Variants in MCIDAS observed in about 807,000 individuals in gnomAD.
MCIDAS encodes the protein multicilin.
In MCIDAS, 23 loss-of-function variants were observed where a neutral mutation model predicts 35.4. The ratio of observed to expected loss-of-function variants is 0.65; its 90% CI spans 0.47 to 0.92. The LOEUF (loss-of-function observed/expected upper bound fraction) is 0.92. MCIDAS is among the 40% of genes least tolerant of loss of function. The probability of loss-of-function intolerance (pLI) is 0.00; values close to 1 mark genes in which losing one functional copy is unlikely to be tolerated. For missense variants in MCIDAS, 480 were observed against 531.8 expected (o/e 0.90, Z 0.96); for synonymous variants, 228 against 235.2 (o/e 0.97, Z 0.28).
chr5:55,221,139 A>G lies in MCIDAS; in HGVS notation c.607-13T>C. The G allele has an allele frequency of 1.3e-6, 2 of 1,530,998 alleles. No individual in the cohort carries two copies. Among genetic ancestry groups the G allele is most frequent in the Non-Finnish European group, 1.8e-6 (2 of 1,142,394 alleles). 94.8% of individuals were successfully genotyped at this position (1,530,998 alleles called of 1,614,324 possible). A position where few individuals can be genotyped will look rare whatever the true frequency, so the allele number is the denominator to read the frequency against. On this transcript the variant is annotated splice_polypyrimidine_tract_variant and intron_variant, in intron 5 of 6. Coordinates refer to ENST00000513312, the MANE Select transcript of MCIDAS (RefSeq NM_001190787.3). Reference sequence around the variant, plus strand: ...ATGTCACGTGCAGCTGCAGGAGGAGACCCAAACATTCAGGGGTAGGTACTG... The same window carrying G: ...ATGTCACGTGCAGCTGCAGGAGGAGGCCCAAACATTCAGGGGTAGGTACTG...
At position 55,220,449 on chromosome 5, in the gene MCIDAS, G is replaced by A; in HGVS notation, c.1075C>T (p.Arg359Cys). ...STRIRSHSTI[R>C]TLAFPQGNAF... ...TTGCCCTGGGGGAAGGCGAGGGTGC[G>A]GATGGTGCTGTGGCTGCGGATGCGG... Residue 359 changes from arginine to cysteine, a missense_variant, in exon 7 of 7, where the codon CGC (arginine) becomes TGC (cysteine). Physicochemically the swap from Arg to Cys is radical, Grantham distance 180 (BLOSUM62 -3). Coordinates refer to ENST00000513312, the MANE Select transcript of MCIDAS (RefSeq NM_001190787.3). 3.3e-6 allele frequency: 5 copies of A among 1,536,044 alleles called. No individual in the cohort carries two copies. In the South Asian group the frequency reaches 3.6e-5, roughly 11 times the overall value.
At position 55,220,501 on chromosome 5, in the gene MCIDAS, C is replaced by T; in HGVS notation, c.1023G>A (p.Glu341=). The change falls in exon 7 of 7, where the codon GAG becomes GAA. Residue 341 remains glutamate, a synonymous_variant. Coordinates refer to ENST00000513312, the MANE Select transcript of MCIDAS (RefSeq NM_001190787.3). ...TGCTGAAGGAGCCGCCCTCCTCCAG[C>T]TCACTGTGGCTCAGGTTCAACGCGC... ...SRSALNLSHS[E]LEEGGSFSTR... The T allele has an allele frequency of 6.5e-7, 1 of 1,536,080 alleles. No homozygotes were observed. Among genetic ancestry groups the T allele is most frequent in the Non-Finnish European group, 8.7e-7 (1 of 1,146,900 alleles).
intron 4 of MCIDAS, 39 bp from the exon 5 acceptor site, chr5:55,222,438 C>A (rs1468744468): frequency 1.4e-6 from 2 of 1,434,120 alleles, no homozygotes; most frequent in African/African-American, 2.9e-5. Flanking sequence ...GCCTCAAATT[C>A]ATGCCCAGCT....
chr5:55,226,505 A>G (rs1745456005), intron 3 of MCIDAS, 71 bp downstream of exon 3: 4 of 1,438,850 alleles, frequency 2.8e-6, no homozygotes, highest in South Asian at 2.7e-5. Flanking sequence ...CTTTTGGGGA[A>G]TTAAAACCAC....
chr5:55,221,179 T>G, intron 5 of MCIDAS, 53 bp from the exon 6 acceptor site: 1 of 1,326,606 alleles, frequency 7.5e-7, no homozygotes, highest in African/African-American at 1.5e-5. Context: ...GGGTCTCGTC[T>G]GCATATCTGG....
In MCIDAS at chr5:55,220,941, C is replaced by T. The variant is rs539366548; in HGVS notation, c.717+75G>A. On this transcript the variant is annotated intron_variant, in intron 6 of 6. Transcript: ENST00000513312. ...TCCTCTCCCGGGCCCCCACGGGTCC[C>T]GATGCTGGGCGGGGATGCACTGAAC... The T allele has an allele frequency of 9.7e-5, 141 of 1,459,120 alleles. No homozygotes were observed. The South Asian group carries it at 1.5e-3, about 16-fold the overall frequency. 90.4% of individuals were successfully genotyped at this position (1,459,120 alleles called of 1,614,324 possible).
intron 4 of MCIDAS, 146 bp from the exon 5 acceptor site, chr5:55,222,545 G>A (rs753419267): frequency 1.8e-5 from 12 of 662,750 alleles, no homozygotes; most frequent in Admixed American, 6.1e-5. Flanking sequence ...CTGATTACGA[G>A]GCCCTTCCTG....
Position 55,227,169 on chromosome 5 carries a change from C to T in MCIDAS, c.-31G>A, listed in dbSNP as rs1745475009. On this transcript the variant is annotated 5_prime_UTR_variant, in exon 1 of 7. Coordinates refer to ENST00000513312, the MANE Select transcript of MCIDAS (RefSeq NM_001190787.3). ...CTCCTGCCTCCGGGTGCCGACTGCTCGGAGGCGGCGGCCCGGGCTGGGGCA... is the reference window on the plus strand; with the variant it reads ...CTCCTGCCTCCGGGTGCCGACTGCTTGGAGGCGGCGGCCCGGGCTGGGGCA... 2.1e-6 allele frequency: 3 copies of T among 1,408,770 alleles called. No homozygotes were observed. Among genetic ancestry groups the T allele is most frequent in the African/African-American group, 1.5e-5 (1 of 66,088 alleles). The allele number at this position is 1,408,770 out of a possible 1,614,324, so 87.3% of individuals were successfully genotyped here.
At position 55,222,247 on chromosome 5, in the gene MCIDAS, C is replaced by T; in HGVS notation, c.535G>A (p.Glu179Lys). Residue 179 changes from glutamate to lysine, a missense_variant, in exon 5 of 7, where the codon GAG becomes AAG. Physicochemically the swap from Glu to Lys is moderately conservative, Grantham distance 56. Transcript: ENST00000513312. ...TCCGCCACCTCCTTCCAGTATTGCTCAGGCGGGGGCACGTCTGGAGGGCGC... is the reference window on the plus strand; with the variant it reads ...TCCGCCACCTCCTTCCAGTATTGCTTAGGCGGGGGCACGTCTGGAGGGCGC... Reference protein sequence around the residue: ...PLRPPDVPPPEQYWKEVADQN... With the variant: ...PLRPPDVPPPKQYWKEVADQN... 6.5e-7 allele frequency: 1 copy of T among 1,536,040 alleles called. No individual in the cohort carries two copies.
At chr5:55,226,735 G>A in intron 2 of MCIDAS, 68 bp from the exon 3 acceptor site, 4 of 1,417,730 alleles carry the variant, frequency 2.8e-6, no homozygotes, top group Non-Finnish European at 3.7e-6. Context: ...TCGCAGCTAG[G>A]ACGTCAGAGC....
In MCIDAS at chr5:55,219,869, C is replaced by G. The variant is rs921181825; in HGVS notation, c.*497G>C. 1 of 152,218 alleles carries G rather than the reference C, an allele frequency of 6.6e-6. No homozygotes were observed. The highest frequency in any genetic ancestry group is 2.4e-5 in the African/African-American group (1 of 41,434). 9.4% of individuals were successfully genotyped at this position (152,218 alleles called of 1,614,324 possible). ...TTTCAATAGTAACAAAATTAGGTGT[C>G]CTTTTAGGACGAGGGAAGTTGAGTG... is the stretch of plus-strand genomic sequence containing the variant. On this transcript the variant is annotated 3_prime_UTR_variant, in exon 7 of 7. Coordinates refer to ENST00000513312, the MANE Select transcript of MCIDAS (RefSeq NM_001190787.3).
At chr5:55,222,755 G>T (rs767767308) in intron 4 of MCIDAS, among the ~76,000 whole-genome samples, 196 bp downstream of exon 4, 54 of 152,208 alleles carry the variant, frequency 3.5e-4, no homozygotes, top group Non-Finnish European at 7.2e-4. Context: ...GCGCTATGTA[G>T]ATCCAGCGGT....
In MCIDAS at chr5:55,220,835, T is replaced by A. The variant is rs1468439865; in HGVS notation, c.718-29A>T. On this transcript the variant is annotated intron_variant, in intron 6 of 6. Coordinates refer to ENST00000513312, the MANE Select transcript of MCIDAS (RefSeq NM_001190787.3). ...CGAAAGACAGGGAAGAGCGCCGCCC[T>A]GGGGCCTGCCGGACCCTCCGGGTTC... is the stretch of plus-strand genomic sequence containing the variant. The A allele has an allele frequency of 4.6e-6, 7 of 1,510,618 alleles. No homozygotes were observed. The Admixed American group carries it at 1.2e-4, about 26-fold the overall frequency. 93.6% of individuals were successfully genotyped at this position (1,510,618 alleles called of 1,614,324 possible).
chr5:55,221,154 G>T, intron 5 of MCIDAS, 28 bp from the exon 6 acceptor site: 1 of 1,496,270 alleles, frequency 6.7e-7, no homozygotes, highest in Non-Finnish European at 9.0e-7. Flanking sequence ...AACATTCAGG[G>T]GTAGGTACTG....
intron 3 of MCIDAS, among the ~76,000 whole-genome samples, chr5:55,224,973 A>C (rs1181296906): frequency 6.6e-6 from 1 of 152,156 alleles, no homozygotes; most frequent in African/African-American, 2.4e-5. Flanking sequence ...GCTGAGGCAG[A>C]CAGATCGCTA....
In MCIDAS at chr5:55,220,523, G is replaced by C. The variant is rs1745333319; in HGVS notation, c.1001C>G (p.Ala334Gly). 1 of 1,536,090 alleles carries C rather than the reference G, an allele frequency of 6.5e-7. No individual in the cohort carries two copies. The highest frequency in any genetic ancestry group is 8.7e-7 in the Non-Finnish European group (1 of 1,146,898). The change falls in exon 7 of 7, where the codon GCG (alanine) becomes GGG (glycine). Residue 334 changes from alanine (A) to glycine (G), a missense_variant. Ala to Gly is a moderately conservative substitution (Grantham distance 60). Coordinates refer to ENST00000513312, the MANE Select transcript of MCIDAS (RefSeq NM_001190787.3). ...RGLRTDCSRS[A>G]LNLSHSELEE... ...CAGCTCACTGTGGCTCAGGTTCAAC[G>C]CGCTCCGGCTGCAGTCTGTGCGCAG...
chr5:55,222,343 A>C lies in MCIDAS; in HGVS notation c.439T>G (p.Cys147Gly). The stretch of plus-strand genomic sequence containing the variant: ...CAGGGCCCGAATGGTGATATGTCGC[A>C]AGGAGAGAAGGGGAAGTCTCCGCTG... ...LASGDFPFSP[C>G]DISPFGPCLS... Residue 147 changes from cysteine to glycine, a missense_variant, in exon 5 of 7, where the codon TGC (cysteine) becomes GGC (glycine). Cys to Gly is a radical substitution (Grantham distance 159, BLOSUM62 -3). Transcript: ENST00000513312. 1 of 1,533,454 alleles carries C rather than the reference A, an allele frequency of 6.5e-7. No homozygotes were observed. The highest frequency in any genetic ancestry group is 8.7e-7 in the Non-Finnish European group (1 of 1,145,172). The allele number at this position is 1,533,454 out of a possible 1,614,324, so 95.0% of individuals were successfully genotyped here.
At position 55,227,113 on chromosome 5, in the gene MCIDAS, G is replaced by A. The variant is rs1745473427; in HGVS notation, c.26C>T (p.Ala9Val). 3 of 1,481,952 alleles carry A rather than the reference G, an allele frequency of 2.0e-6. No individual in the cohort carries two copies. The highest frequency in any genetic ancestry group is 2.3e-5 in the Admixed American group (1 of 44,344). The allele number at this position is 1,481,952 out of a possible 1,614,324, so 91.8% of individuals were successfully genotyped here. A position where few individuals can be genotyped will look rare whatever the true frequency, so the allele number is the denominator to read the frequency against. MQACGGGA[A>V]GRRAFDSICP... is the part of the protein sequence containing the mutation. ...GATGCTGTCGAAGGCCCGACGGCCG[G>A]CCGCGCCGCCCCCGCACGCCTGCAT... The change falls in exon 1 of 7, where the codon GCC becomes GTC. Residue 9 changes from alanine to valine, a missense_variant. Physicochemically the swap from Ala to Val is moderately conservative, Grantham distance 64. Coordinates refer to ENST00000513312, the MANE Select transcript of MCIDAS (RefSeq NM_001190787.3).
chr5:55,226,872 G>A lies in MCIDAS; in HGVS notation c.180C>T (p.Tyr60=), dbSNP rs1745466070. 2 of 1,409,170 alleles carry A rather than the reference G, an allele frequency of 1.4e-6. No individual in the cohort carries two copies. Among genetic ancestry groups the A allele is most frequent in the Non-Finnish European group, 1.8e-6 (2 of 1,087,704 alleles). 87.3% of individuals were successfully genotyped at this position (1,409,170 alleles called of 1,614,324 possible). A position where few individuals can be genotyped will look rare whatever the true frequency, so the allele number is the denominator to read the frequency against. Residue 60 remains tyrosine (Y), a synonymous_variant, in exon 2 of 7, where the codon TAC becomes TAT. Transcript: ENST00000513312. ...GCTGGSPVSV[Y]EDPPDAEPTA... Reference sequence around the variant, plus strand: ...TGGGCTCGGCGTCCGGGGGATCCTCGTACACCGACACCGGGCTCCCGCCTG... The same window carrying A: ...TGGGCTCGGCGTCCGGGGGATCCTCATACACCGACACCGGGCTCCCGCCTG...
Sources: allele counts gnomAD v4.1 joint callset (sites outside exome capture counted in the v4.1 genomes callset), GRCh38; gene constraint gnomAD v4.1.1; transcripts MANE v1.5; gene names NCBI Gene and HGNC (gene_info 2026-07-23, HGNC 2026-07-21).